PLXNA4: variants seen among roughly 807,000 people sequenced by gnomAD.
PLXNA4 encodes plexin A4.
In PLXNA4, 44 loss-of-function variants were observed where a neutral mutation model predicts 191.8. The ratio of observed to expected loss-of-function variants is 0.23; its 90% confidence interval spans 0.18 to 0.29. The LOEUF is 0.29. PLXNA4 is among the 10% of genes least tolerant of loss of function. The probability of loss-of-function intolerance (pLI) is 1.00; values close to 1 mark genes in which losing one functional copy is unlikely to be tolerated. For synonymous variants in PLXNA4, 1,082 were observed against 1,009.5 expected, an observed-to-expected ratio of 1.07 and a Z score of -1.36; for missense variants, 1,800 against 2,488.8, an observed-to-expected ratio of 0.72 and a Z score of 5.89.
chr7:132,299,096 T>A (rs1801211954), intron 3 of PLXNA4, among the ~76,000 whole-genome samples: 1 of 152,188 alleles, frequency 6.6e-6, no homozygotes, highest in Non-Finnish European at 1.5e-5. Context: ...TTTGAGTGCA[T>A]AGATCCAACA....
chr7:132,564,522 A>G (rs1801623588), intron 1 of PLXNA4, among the ~76,000 whole-genome samples: 1 of 152,060 alleles, frequency 6.6e-6, no homozygotes, highest in African/African-American at 2.4e-5. Context: ...TCTCTGACAC[A>G]TTGCATGTAA....
chr7:132,602,997 C>G (rs890251585), intron 2 of PLXNA4, among the ~76,000 whole-genome samples: 1 of 152,156 alleles, frequency 6.6e-6, no homozygotes, highest in Non-Finnish European at 1.5e-5. Context: ...CCCTATCAAC[C>G]ACTTACAACC....
At chr7:132,193,261 C>T (rs1797150055) in intron 14 of PLXNA4, among the ~76,000 whole-genome samples, 1 of 152,196 alleles carries the variant, frequency 6.6e-6, no homozygotes, top group African/African-American at 2.4e-5. Flanking sequence ...CCCGCTCTTG[C>T]TCTCTTGCAC....
chr7:132,128,082 G>C lies in PLXNA4; in HGVS notation c.*2397C>G, dbSNP rs1230351504. On this transcript the variant is annotated 3_prime_UTR_variant, in exon 32 of 32. Transcript: ENST00000321063. The stretch of plus-strand genomic sequence containing the variant: ...CAGCAAATCTGTGTTAAATACGTTT[G>C]TGTCTCTTTCCTCCCCAACCCTTTA... 11 of 149,068 alleles carry C rather than the reference G, an allele frequency of 7.4e-5. No individual in the cohort carries two copies. The highest frequency in any genetic ancestry group is 1.5e-5 in the Non-Finnish European group (1 of 67,686). 9.2% of individuals were successfully genotyped at this position (149,068 alleles called of 1,614,324 possible). A position where few individuals can be genotyped will look rare whatever the true frequency, so the allele number is the denominator to read the frequency against.
intron 3 of PLXNA4, among the ~76,000 whole-genome samples, chr7:132,299,313 TATTTTTA>T (rs1173004966): frequency 2.0e-5 from 3 of 152,322 alleles, no homozygotes; most frequent in Non-Finnish European, 4.4e-5. Context: ...TAGGCACTCT[TATTTTTA>T]ATTTTTAATG....
intron 3 of PLXNA4, among the ~76,000 whole-genome samples, chr7:132,398,066 G>A (rs1169152678): frequency 6.6e-6 from 1 of 152,128 alleles, no homozygotes; most frequent in Non-Finnish European, 1.5e-5. Context: ...GAAAGCAAAG[G>A]CACCAAAGCC....
At chr7:132,604,077 T>C (rs752313436) in intron 2 of PLXNA4, among the ~76,000 whole-genome samples, 1 of 152,196 alleles carries the variant, frequency 6.6e-6, no homozygotes, top group African/African-American at 2.4e-5. Context: ...CACACCCCTC[T>C]TCTGTGAAGT....
At chr7:132,490,686 G>A (rs1016587370) in intron 2 of PLXNA4, among the ~76,000 whole-genome samples, 1 of 152,018 alleles carries the variant, frequency 6.6e-6, no homozygotes, top group Non-Finnish European at 1.5e-5. Flanking sequence ...TCAGCCTCCC[G>A]AAGTGCTAGC....
chr7:132,298,473 A>T (rs1467420988), intron 3 of PLXNA4, among the ~76,000 whole-genome samples: 14 of 152,238 alleles, frequency 9.2e-5, no homozygotes, highest in Non-Finnish European at 5.9e-5. Context: ...CTGGTTCCCT[A>T]TGCCTCAGGC....
At chr7:132,439,499 C>CATT (rs1414464115) in intron 3 of PLXNA4, among the ~76,000 whole-genome samples, 2 of 152,062 alleles carry the variant, frequency 1.3e-5, no homozygotes, top group African/African-American at 2.4e-5. Flanking sequence ...CATATATATA[C>CATT]ATACGCATAC....
chr7:132,324,697 G>A (rs7792343), intron 3 of PLXNA4, among the ~76,000 whole-genome samples: 40,900 of 152,070 alleles, frequency 0.27, 7,665 homozygotes, highest in African/African-American at 0.52. Context: ...GCCCCTTCAG[G>A]TAAGTTTAAA....
chr7:132,236,718 G>C (rs775448508), intron 5 of PLXNA4, among the ~76,000 whole-genome samples: 20 of 152,064 alleles, frequency 1.3e-4, no homozygotes, highest in Non-Finnish European at 2.5e-4. Context: ...TGTGAGTGTG[G>C]ACACAGCACT....
At chr7:132,490,118 T>A (rs1296930859) in intron 2 of PLXNA4, among the ~76,000 whole-genome samples, 2 of 152,238 alleles carry the variant, frequency 1.3e-5, no homozygotes, top group Admixed American at 1.3e-4. Context: ...GTGCCACAGC[T>A]GGTGCTTTAT....
At chr7:132,475,058 T>C (rs1465730422) in intron 3 of PLXNA4, among the ~76,000 whole-genome samples, 1 of 152,166 alleles carries the variant, frequency 6.6e-6, no homozygotes, top group Non-Finnish European at 1.5e-5. Flanking sequence ...AAAGTTAAGA[T>C]TTCCTGGATG....
At chr7:132,143,068 T>TTTA (rs1174973154) in intron 29 of PLXNA4, among the ~76,000 whole-genome samples, 1 of 152,038 alleles carries the variant, frequency 6.6e-6, no homozygotes, top group African/African-American at 2.4e-5. Flanking sequence ...GAGCAGGAGG[T>TTTA]TTATTTAAAA....
intron 3 of PLXNA4, among the ~76,000 whole-genome samples, chr7:132,403,724 G>A (rs1794092937): frequency 6.6e-6 from 1 of 152,138 alleles, no homozygotes; most frequent in Admixed American, 6.5e-5. Flanking sequence ...ATGCAGGTTT[G>A]TGGCTTCACT....
chr7:132,637,657 C>T (rs1284857830), intron 2 of PLXNA4, among the ~76,000 whole-genome samples: 1 of 152,232 alleles, frequency 6.6e-6, no homozygotes, highest in Non-Finnish European at 1.5e-5. Flanking sequence ...TTGGCCTGTC[C>T]TATGCCTCAG....
At chr7:132,282,827 C>A (rs1225997548) in intron 4 of PLXNA4, among the ~76,000 whole-genome samples, 1 of 151,914 alleles carries the variant, frequency 6.6e-6, no homozygotes, top group Non-Finnish European at 1.5e-5. Flanking sequence ...GTAGCCTCCC[C>A]TAGATTATTG....
At chr7:132,509,587 T>C (rs996905394) in intron 1 of PLXNA4, among the ~76,000 whole-genome samples, 1 of 152,158 alleles carries the variant, frequency 6.6e-6, no homozygotes. Flanking sequence ...ATATGAGTAG[T>C]GTAAATGTGC....
Sources: gnomAD v4.1 joint callset for allele counts (sites outside exome capture counted in the v4.1 genomes callset) on GRCh38, gnomAD v4.1.1 for gene constraint, MANE v1.5 for transcripts, NCBI Gene and HGNC (gene_info 2026-07-23, HGNC 2026-07-21) for gene names.